The following SERPINB7 variants were observed in gnomAD, a reference collection of about 807,000 sequenced individuals.
SERPINB7 encodes the protein serpin B7.
In SERPINB7, 31 loss-of-function variants were observed where a neutral mutation model predicts 37.4. The observed-to-expected ratio is 0.83, with a 90% confidence interval of 0.62 to 1.12. The LOEUF (loss-of-function observed/expected upper bound fraction) is 1.12, where lower values mean the gene tolerates loss of function less well. Ranked by LOEUF, SERPINB7 falls within the 50% of genes most tolerant of loss-of-function variation. SERPINB7 has a pLI of 0.00. For missense variants in SERPINB7, 521 were observed against 455.3 expected (o/e 1.14, Z -1.31); for synonymous variants, 163 against 166.1 (o/e 0.98, Z 0.14).
intron 1 of SERPINB7, among the ~76,000 whole-genome samples, chr18:63,761,142 G>C (rs1273766043): frequency 6.6e-6 from 1 of 152,248 alleles, no homozygotes; most frequent in East Asian, 1.9e-4. Flanking sequence ...CACAGGGGCA[G>C]AGCTGTCCAA....
In SERPINB7 at chr18:63,804,394, A is replaced by G. The variant is rs1162002583; in HGVS notation, c.902A>G (p.Asp301Gly). The change falls in exon 8 of 8, where the codon GAT becomes GGT. Residue 301 changes from aspartate (D) to glycine (G), a missense_variant. Asp to Gly is a moderately conservative substitution (Grantham distance 94). Transcript: ENST00000398019. ...GCCCTAGGGCTGAAAGATATCTTTG[A>G]TGAATCCAAAGCAGATCTCTCTGGG... ...LRALGLKDIFDESKADLSGIA... is the reference protein window; with the variant it reads ...LRALGLKDIFGESKADLSGIA... The G allele has an allele frequency of 2.5e-6, 4 of 1,613,812 alleles. No individual in the cohort carries two copies. Among genetic ancestry groups the G allele is most frequent in the Non-Finnish European group, 3.4e-6 (4 of 1,179,872 alleles).
upstream of SERPINB7, among the ~76,000 whole-genome samples, chr18:63,772,144 AAC>A (rs951281674): frequency 6.6e-6 from 1 of 152,008 alleles, no homozygotes; most frequent in African/African-American, 2.4e-5. Flanking sequence ...AGAAAGACAC[AAC>A]ACAAACTTTC....
chr18:63,765,926 G>C (rs913239229), intron 1 of SERPINB7, among the ~76,000 whole-genome samples: 2 of 152,094 alleles, frequency 1.3e-5, no homozygotes, highest in Admixed American at 1.3e-4. Context: ...TTAGGTAAGG[G>C]GTTGCTGGTC....
intron 1 of SERPINB7, among the ~76,000 whole-genome samples, chr18:63,760,010 A>C (rs1217853943): frequency 1.3e-5 from 2 of 152,174 alleles, no homozygotes; most frequent in Non-Finnish European, 2.9e-5. Flanking sequence ...AAAAATACCC[A>C]AAAATGTGGA....
intron 5 of SERPINB7, 28 bp from the exon 6 acceptor site, chr18:63,798,575 CA>C: frequency 1.3e-6 from 2 of 1,503,070 alleles, no homozygotes; most frequent in East Asian, 2.4e-5. Context: ...TTAAAATAAA[CA>C]TTTTTCCCTC....
chr18:63,769,246 C>G (rs1030977276), intron 1 of SERPINB7, among the ~76,000 whole-genome samples: 2 of 126,544 alleles, frequency 1.6e-5, no homozygotes, highest in East Asian at 4.0e-4. Context: ...GTTGATCTCT[C>G]TAAAAGTTTC....
At chr18:63,762,049 CT>C (rs2049157246) in intron 1 of SERPINB7, among the ~76,000 whole-genome samples, 1 of 152,298 alleles carries the variant, frequency 6.6e-6, no homozygotes, top group East Asian at 1.9e-4. Flanking sequence ...AACAGCATCA[CT>C]TATGGTAGTT....
At position 63,804,615 on chromosome 18, in the gene SERPINB7, G is replaced by C; in HGVS notation, c.1123G>C (p.Gly375Arg). 6.2e-7 allele frequency: 1 copy of C among 1,609,046 alleles called. No homozygotes were observed. ...IRKDDIILFS[G>R]KVSCP ...GAAGGATGACATCATCTTATTCAGT[G>C]GCAAAGTTTCTTGCCCTTGAAAATC... is the stretch of plus-strand genomic sequence containing the variant. The change falls in exon 8 of 8, where the codon GGC becomes CGC. Residue 375 changes from glycine to arginine, a missense_variant. Transcript: ENST00000398019.
upstream of SERPINB7, among the ~76,000 whole-genome samples, chr18:63,773,417 C>T (rs1180540972): frequency 6.6e-6 from 1 of 152,098 alleles, no homozygotes; most frequent in Admixed American, 6.5e-5. Context: ...TTTCCATTTT[C>T]TGGGCACTAC....
At chr18:63,774,768 C>T (rs1227595444), upstream of SERPINB7, among the ~76,000 whole-genome samples, 1 of 152,060 alleles carries the variant, frequency 6.6e-6, no homozygotes, top group African/African-American at 2.4e-5. Flanking sequence ...TCTGAAGCTG[C>T]TCAGTTCAGG....
chr18:63,803,897 T>C (rs938415519), intron 7 of SERPINB7, among the ~76,000 whole-genome samples: 7 of 152,166 alleles, frequency 4.6e-5, no homozygotes, highest in African/African-American at 1.7e-4. Context: ...CTGGGCTCCT[T>C]TCTCCCTCTA....
At chr18:63,793,371 T>C in intron 4 of SERPINB7, 94 bp downstream of exon 4, 1 of 604,806 alleles carries the variant, frequency 1.7e-6, no homozygotes, top group Non-Finnish European at 2.9e-6. Context: ...AATACAAAGA[T>C]GGTTTTGTTT....
At chr18:63,782,671 C>A (rs956173115) in intron 2 of SERPINB7, 131 bp downstream of exon 2, 3 of 818,196 alleles carry the variant, frequency 3.7e-6, no homozygotes, top group South Asian at 2.1e-5. Flanking sequence ...CACATCTCCA[C>A]GAGGCCCTCT....
At chr18:63,766,277 T>C (rs1186174082) in intron 1 of SERPINB7, among the ~76,000 whole-genome samples, 1 of 152,188 alleles carries the variant, frequency 6.6e-6, no homozygotes, top group African/African-American at 2.4e-5. Context: ...ATTAGTTTTC[T>C]TTCAACTAAA....
intron 1 of SERPINB7, among the ~76,000 whole-genome samples, chr18:63,781,206 C>T (rs2049297965): frequency 6.6e-6 from 1 of 152,112 alleles, no homozygotes; most frequent in African/African-American, 2.4e-5. Flanking sequence ...CATGCCAGTC[C>T]CCAGATGCCT....
At chr18:63,756,690 C>A (rs2049123860) in intron 1 of SERPINB7, among the ~76,000 whole-genome samples, 2 of 151,990 alleles carry the variant, frequency 1.3e-5, no homozygotes, top group African/African-American at 4.8e-5. Flanking sequence ...GATTAGAGGG[C>A]ATTAATAAGC....
At position 63,778,163 on chromosome 18, in the gene SERPINB7, A is replaced by G. The variant is rs1466866379; in HGVS notation, c.-19+2447A>G. 2.6e-5 allele frequency: 4 copies of G among 152,076 alleles called. No individual in the cohort carries two copies. In the East Asian group the frequency reaches 5.8e-4, roughly 22 times the overall value. 9.4% of individuals were successfully genotyped at this position (152,076 alleles called of 1,614,324 possible). ...GGGATTATGTGCAAATCTAGATTCT[A>G]TATTTCCTGTGTTCTTATTTAAGGC... On this transcript the variant is annotated intron_variant, in intron 1 of 7. Transcript: ENST00000398019.
At chr18:63,789,279 C>T (rs1395850732) in intron 2 of SERPINB7, among the ~76,000 whole-genome samples, 1 of 152,158 alleles carries the variant, frequency 6.6e-6, no homozygotes, top group African/African-American at 2.4e-5. Flanking sequence ...CTGGCCACTG[C>T]TCATCTCTCT....
At chr18:63,797,509 A>G (rs2049500914) in intron 5 of SERPINB7, among the ~76,000 whole-genome samples, 1 of 152,162 alleles carries the variant, frequency 6.6e-6, no homozygotes, top group African/African-American at 2.4e-5. Flanking sequence ...AACTTTTTCT[A>G]TTTAGACTAG....
Sources: gnomAD v4.1 joint callset for allele counts (sites outside exome capture counted in the v4.1 genomes callset) on GRCh38, gnomAD v4.1.1 for gene constraint, MANE v1.5 for transcripts, NCBI Gene and HGNC (gene_info 2026-07-23, HGNC 2026-07-21) for gene names.